Variants in RNASET2 observed in about 807,000 individuals in gnomAD.
The protein encoded by RNASET2 is ribonuclease T2.
Under a neutral mutation model 33.9 loss-of-function variants are expected in RNASET2, and 28 were observed. The ratio of observed to expected loss-of-function variants is 0.83; its 90% confidence interval spans 0.61 to 1.13. The LOEUF (loss-of-function observed/expected upper bound fraction) is 1.13. Among genes scored for constraint, RNASET2 ranks in the 50% most tolerant of loss-of-function variants. The probability of loss-of-function intolerance (pLI) is 0.00; values close to 1 mark genes in which losing one functional copy is unlikely to be tolerated. For synonymous variants in RNASET2, 123 were observed against 121.0 expected, an observed-to-expected ratio of 1.02 and a Z score of -0.11; for missense variants, 330 against 319.9, an observed-to-expected ratio of 1.03 and a Z score of -0.24.
chr6:166,955,057 GATC>G (rs1173985809), intron 1 of RNASET2, among the ~76,000 whole-genome samples: 6 of 151,576 alleles, frequency 4.0e-5, no homozygotes, highest in Non-Finnish European at 5.9e-5. Flanking sequence ...CTATTAACCC[GATC>G]ATTACCCAAA....
rs149985101 is a variant in RNASET2, at chr6:166,933,328, A to G, written c.492+763T>C. 1.3e-5 allele frequency: 2 copies of G among 152,280 alleles called. No individual in the cohort carries two copies. The highest frequency in any genetic ancestry group is 4.8e-5 in the African/African-American group (2 of 41,570). 9.4% of individuals were successfully genotyped at this position (152,280 alleles called of 1,614,324 possible). A position where few individuals can be genotyped will look rare whatever the true frequency, so the allele number is the denominator to read the frequency against. On this transcript the variant is annotated intron_variant, in intron 7 of 8. Coordinates refer to ENST00000508775, the MANE Select transcript of RNASET2 (RefSeq NM_003730.6). This position sits in a 1 kb window ranked among gnomAD's most constrained non-coding sequence, Gnocchi z 4.1. Reference sequence around the variant, plus strand: ...CAAAGGAGTACAATTTTGTTTACAAAAACAGGCAACCAAGAGTTGAAAACA... The same window carrying G: ...CAAAGGAGTACAATTTTGTTTACAAGAACAGGCAACCAAGAGTTGAAAACA...
chr6:166,924,663 C>T lies in RNASET2; in HGVS notation c.*4925G>A, dbSNP rs1778277514. Among the ~76,000 whole-genome samples, 1 of 152,204 alleles carries T rather than the reference C, an allele frequency of 6.6e-6. No homozygotes were observed. Among genetic ancestry groups the T allele is most frequent in the South Asian group, 2.1e-4 (1 of 4,832 alleles). On this transcript the variant is annotated 3_prime_UTR_variant, in exon 9 of 9. Coordinates refer to ENST00000508775, the MANE Select transcript of RNASET2 (RefSeq NM_003730.6). ...CCCTCCAACCTACCAGCATCAAATGCACCAGCTATGCTCCTCTTTTCCCTT... is the reference window on the plus strand; with the variant it reads ...CCCTCCAACCTACCAGCATCAAATGTACCAGCTATGCTCCTCTTTTCCCTT...
chr6:166,938,460 C>T (rs757756486), intron 6 of RNASET2: 7 of 501,244 alleles, frequency 1.4e-5, no homozygotes, highest in Non-Finnish European at 2.8e-5. Flanking sequence ...CTTAAAGAAC[C>T]CTGGCCCACA....
chr6:166,952,582 C>G (rs2273746), intron 1 of RNASET2, 34 bp from the exon 2 acceptor site: 27,600 of 1,569,896 alleles, frequency 0.018, 402 homozygotes, highest in East Asian at 0.073. Flanking sequence ...TTTTCAAGAA[C>G]TTTTTTTAAA....
chr6:166,934,210 T>G, intron 6 of RNASET2, 74 bp from the exon 7 acceptor site: 2 of 961,378 alleles, frequency 2.1e-6, no homozygotes, highest in Non-Finnish European at 3.4e-6. Context: ...TCAGGTATCA[T>G]ATTTCATGGT....
At position 166,956,386 on chromosome 6, in the gene RNASET2, G is replaced by A; in HGVS notation, c.-204C>T. The stretch of plus-strand genomic sequence containing the variant: ...TCTCGCGGGCCCCGCGCCGGGCTCC[G>A]GGAATGGCCGCAGCAGCCCTGGCGA... On this transcript the variant is annotated 5_prime_UTR_variant, in exon 1 of 9. Coordinates refer to ENST00000508775, the MANE Select transcript of RNASET2 (RefSeq NM_003730.6). The A allele has an allele frequency of 3.4e-6, 2 of 596,396 alleles. No individual in the cohort carries two copies. The highest frequency in any genetic ancestry group is 5.7e-5 in the Admixed American group (2 of 34,984). 36.9% of individuals were successfully genotyped at this position (596,396 alleles called of 1,614,324 possible). A position where few individuals can be genotyped will look rare whatever the true frequency, so the allele number is the denominator to read the frequency against.
In RNASET2 at chr6:166,952,647, G is replaced by T. The variant is rs1779014361; in HGVS notation, c.87-99C>A. The T allele has an allele frequency of 3.3e-6, 3 of 910,898 alleles. No individual in the cohort carries two copies. In the African/African-American group the frequency reaches 4.9e-5, roughly 15 times the overall value. 56.4% of individuals were successfully genotyped at this position (910,898 alleles called of 1,614,324 possible). A position where few individuals can be genotyped will look rare whatever the true frequency, so the allele number is the denominator to read the frequency against. ...TCCCTTCAATCATTCATTCAGCACT[G>T]AGTGCTGTGGGAGGAGGAACACTGC... On this transcript the variant is annotated intron_variant, in intron 1 of 8. Coordinates refer to ENST00000508775, the MANE Select transcript of RNASET2 (RefSeq NM_003730.6).
chr6:166,942,051 A>G (rs1392355550), intron 5 of RNASET2, among the ~76,000 whole-genome samples: 1 of 49,424 alleles, frequency 2.0e-5, no homozygotes, highest in Non-Finnish European at 3.5e-5. Flanking sequence ...ATTTTAGAAG[A>G]CATCTTCTTT....
intron 1 of RNASET2, among the ~76,000 whole-genome samples, chr6:166,955,293 CA>C (rs1562507159): frequency 0.038 from 2,166 of 56,920 alleles, 23 homozygotes; most frequent in South Asian, 0.073. Context: ...CACACACGCA[CA>C]GACGCGCACA....
At chr6:166,948,315 C>T (rs1206003046) in intron 3 of RNASET2, 1 of 528,288 alleles carries the variant, frequency 1.9e-6, no homozygotes, top group Non-Finnish European at 3.4e-6. Context: ...CACTGCACTT[C>T]AGCCTAGGCA....
intron 6 of RNASET2, chr6:166,934,537 G>A (rs1778521930): frequency 4.1e-6 from 1 of 244,720 alleles, no homozygotes; most frequent in Middle Eastern, 1.5e-3. Context: ...ACAGTCATGC[G>A]CCACATTACG....
chr6:166,946,360 G>A (rs1003071178), intron 4 of RNASET2, among the ~76,000 whole-genome samples: 2 of 117,952 alleles, frequency 1.7e-5, no homozygotes, highest in Non-Finnish European at 3.6e-5. Flanking sequence ...GGGACGAGGC[G>A]GGGCTGGCGG....
intron 6 of RNASET2, 118 bp downstream of exon 6, chr6:166,938,777 T>C (rs748996475): frequency 2.5e-6 from 2 of 785,278 alleles, no homozygotes; most frequent in African/African-American, 1.7e-5. Context: ...ATAGTGCACA[T>C]GCAGAAGCTG....
Position 166,926,235 on chromosome 6 carries a change from G to A in RNASET2, c.*3353C>T, listed in dbSNP as rs1204502054. ...TCACCGAGATGGAGGCAAAAGTTTCGGTGGAAAGATAAGATACCTGGGCCA... is the reference window on the plus strand; with the variant it reads ...TCACCGAGATGGAGGCAAAAGTTTCAGTGGAAAGATAAGATACCTGGGCCA... On this transcript the variant is annotated 3_prime_UTR_variant, in exon 9 of 9. Coordinates refer to ENST00000508775, the MANE Select transcript of RNASET2 (RefSeq NM_003730.6). 6.6e-6 allele frequency among the ~76,000 whole-genome samples: 1 copy of A among 151,752 alleles called. No individual in the cohort carries two copies. The highest frequency in any genetic ancestry group is 2.1e-4 in the South Asian group (1 of 4,778).
At chr6:166,955,181 ACACACACGCACACACGCACG>A (rs1432904009) in intron 1 of RNASET2, among the ~76,000 whole-genome samples, 1 of 127,096 alleles carries the variant, frequency 7.9e-6, no homozygotes, top group Non-Finnish European at 1.6e-5. Context: ...GCTGCCACAC[ACACACACGCACACACGCACG>A]CACACACGCA....
At chr6:166,955,990 G>T in intron 1 of RNASET2, 107 bp downstream of exon 1, 3 of 1,215,118 alleles carry the variant, frequency 2.5e-6, no homozygotes, top group Non-Finnish European at 2.4e-6. Flanking sequence ...CCCAGTCGCT[G>T]CCCGGGGCTC....
In RNASET2 at chr6:166,923,228, CTTTTTT is replaced by C. The variant is rs576639665; in HGVS notation, c.*6354_*6359del. ...ACAGGCGTGAGCCACCAGGCCCGGC[CTTTTTT>C]TTTTTTTTTTTTTTTGAGACAGAGT... On this transcript the variant is annotated 3_prime_UTR_variant, in exon 9 of 9. Transcript: ENST00000508775. Among the ~76,000 whole-genome samples, 11 of 102,658 alleles carry C rather than the reference CTTTTTT, an allele frequency of 1.1e-4. No individual in the cohort carries two copies. The highest frequency in any genetic ancestry group is 2.6e-4 in the African/African-American group (5 of 19,136). 67.3% of individuals were successfully genotyped at this position (102,658 alleles called of 152,430 possible).
intron 4 of RNASET2, chr6:166,943,511 G>A (rs994121015): frequency 4.2e-5 from 14 of 332,682 alleles, no homozygotes; most frequent in African/African-American, 3.0e-4. Flanking sequence ...TTAAGAGACA[G>A]GAATGAGATT....
intron 3 of RNASET2, 166 bp from the exon 4 acceptor site, chr6:166,946,905 G>A (rs759566934): frequency 4.4e-6 from 3 of 680,312 alleles, no homozygotes; most frequent in African/African-American, 1.8e-5. Context: ...AGAAGATGCA[G>A]GTAAGAGGAG....
Sources: allele counts gnomAD v4.1 joint callset (sites outside exome capture counted in the v4.1 genomes callset), GRCh38; gene constraint gnomAD v4.1.1; non-coding constraint Gnocchi (gnomAD v3.1); transcripts MANE v1.5; gene names NCBI Gene and HGNC (gene_info 2026-07-23, HGNC 2026-07-21).